Variants in BPHL observed in about 807,000 individuals in gnomAD.
The protein encoded by BPHL is biphenyl hydrolase like, also known as serine hydrolase BPHL.
A neutral mutation model predicts 31.2 loss-of-function variants in BPHL; 27 were observed. The ratio of observed to expected loss-of-function variants is 0.87; its 90% CI spans 0.64 to 1.19. BPHL has a LOEUF of 1.19. Among genes scored for constraint, BPHL ranks in the 50% most tolerant of loss-of-function variants. BPHL has a pLI of 0.00. For missense variants in BPHL, 356 were observed against 375.7 expected (o/e 0.95, Z 0.43); for synonymous variants, 150 against 146.8 (o/e 1.02, Z -0.16).
chr6:3,140,440 A>T lies in BPHL; in HGVS notation c.719A>T (p.His240Leu), dbSNP rs1762142415. 1.2e-6 allele frequency: 2 copies of T among 1,614,028 alleles called. No individual in the cohort carries two copies. The highest frequency in any genetic ancestry group is 1.7e-6 in the Non-Finnish European group (2 of 1,180,024). ...GTCCAGTGCCCCGCCTTGATTGTGC[A>T]CGGTGAGAAGGATCCTCTGGTCCCA... ...PRVQCPALIV[H>L]GEKDPLVPRF... Residue 240 changes from histidine to leucine, a missense_variant, in exon 6 of 7, where the codon CAC becomes CTC. By Grantham distance (99) the His-to-Leu change is moderately conservative. Coordinates refer to ENST00000380379, the MANE Select transcript of BPHL (RefSeq NM_004332.4). This position sits in a 1 kb window ranked among gnomAD's most constrained non-coding sequence, Gnocchi z 5.2.
intron 4 of BPHL, among the ~76,000 whole-genome samples, chr6:3,136,514 G>A (rs1447559070): frequency 6.6e-6 from 1 of 152,242 alleles, no homozygotes; most frequent in Admixed American, 6.5e-5. Flanking sequence ...GTAAATAGCA[G>A]TTTTTCCTCC....
At chr6:3,135,555 A>G (rs1339868363) in intron 4 of BPHL, among the ~76,000 whole-genome samples, 2 of 144,596 alleles carry the variant, frequency 1.4e-5, no homozygotes, top group African/African-American at 5.2e-5. Context: ...ATTCTGAAAA[A>G]CTCTCCCACC....
rs971739128 is a variant in BPHL at position 3,137,914 on chromosome 6, G to A, written c.664+421G>A. ...AGATGTGTCTCCCCACGAGGACACT[G>A]TTAATCTTTAATCTCAACGGAATTA... On this transcript the variant is annotated intron_variant, in intron 5 of 6. Coordinates refer to ENST00000380379, the MANE Select transcript of BPHL (RefSeq NM_004332.4). 6.9e-5 allele frequency: 76 copies of A among 1,097,054 alleles called. No homozygotes were observed. The African/African-American group carries it at 1.2e-3, about 17-fold the overall frequency. The allele number at this position is 1,097,054 out of a possible 1,614,324, so 68.0% of individuals were successfully genotyped here.
rs74372749 is a variant in BPHL, at chr6:3,131,346, C to T, written c.532+2148C>T. ...CTCAGTTCATGGCCTGCAGATGACC[C>T]GGCATCCAGGCAGAGTCCCAGATGC... is the stretch of plus-strand genomic sequence containing the variant. On this transcript the variant is annotated intron_variant, in intron 4 of 6. Coordinates refer to ENST00000380379, the MANE Select transcript of BPHL (RefSeq NM_004332.4). Among the ~76,000 whole-genome samples, 1,256 of 152,160 alleles carry T rather than the reference C, an allele frequency of 8.3e-3. 10 individuals are homozygous for T. Among genetic ancestry groups the T allele is most frequent in the African/African-American group, 0.028 (1,165 of 41,500 alleles).
chr6:3,123,812 C>G, intron 2 of BPHL, 52 bp downstream of exon 2: 1 of 1,418,876 alleles, frequency 7.0e-7, no homozygotes, highest in Non-Finnish European at 9.9e-7. Context: ...ATCTATGATG[C>G]ATTCACAATA....
At chr6:3,118,571 T>G, upstream of BPHL, 1 of 457,122 alleles carries the variant, frequency 2.2e-6, no homozygotes, top group Non-Finnish European at 3.5e-6. Context: ...CGGTCGCCCA[T>G]GGGAAAGCAC....
intron 6 of BPHL, among the ~76,000 whole-genome samples, chr6:3,152,181 C>A (rs1457209236): frequency 6.6e-6 from 1 of 152,212 alleles, no homozygotes; most frequent in Non-Finnish European, 1.5e-5. Flanking sequence ...GATCACCTCC[C>A]CCACTCTCAG....
chr6:3,124,828 T>C (rs1057485576), intron 2 of BPHL, among the ~76,000 whole-genome samples: 1 of 152,208 alleles, frequency 6.6e-6, no homozygotes, highest in African/African-American at 2.4e-5. Context: ...AGTGAAGTGC[T>C]AAAAAGGTTC....
intron 6 of BPHL, among the ~76,000 whole-genome samples, chr6:3,143,638 A>G (rs1203502356): frequency 1.3e-5 from 2 of 152,228 alleles, no homozygotes; most frequent in Non-Finnish European, 2.9e-5. Context: ...TCCCGTGTCC[A>G]CATTTCCTCC....
In BPHL at chr6:3,125,551, G is replaced by C. The variant is rs1228063476; in HGVS notation, c.212-1691G>C. ...ATTCTTGGCACTGGTCTTCAAATGT[G>C]TACATGTGTGCCAGGGAGCAAATGC... is the stretch of plus-strand genomic sequence containing the variant. On this transcript the variant is annotated intron_variant, in intron 2 of 6. Transcript: ENST00000380379. Among the ~76,000 whole-genome samples, 5 of 152,118 alleles carry C rather than the reference G, an allele frequency of 3.3e-5. No individual in the cohort carries two copies. The East Asian group carries it at 7.7e-4, about 23-fold the overall frequency.
chr6:3,120,104 G>A (rs796913316), intron 1 of BPHL, among the ~76,000 whole-genome samples: 11 of 151,664 alleles, frequency 7.3e-5, no homozygotes, highest in African/African-American at 2.4e-4. Flanking sequence ...TTGTGATCTC[G>A]CTCACTGCAA....
intron 1 of BPHL, among the ~76,000 whole-genome samples, chr6:3,121,272 A>C (rs141837077): frequency 4.6e-5 from 7 of 151,464 alleles, no homozygotes; most frequent in African/African-American, 1.7e-4. Flanking sequence ...CTGAACATAC[A>C]ATATGATAAT....
rs545786404 is a variant in BPHL, at chr6:3,130,737, C to G, written c.532+1539C>G. Among the ~76,000 whole-genome samples the G allele has an allele frequency of 2.0e-3, 300 of 152,354 alleles. 2 individuals carry two copies. Among genetic ancestry groups the G allele is most frequent in the African/African-American group, 6.8e-3 (283 of 41,580 alleles). On this transcript the variant is annotated intron_variant, in intron 4 of 6. Transcript: ENST00000380379. ...TACAGATCTCTTCGCTAGAATATCA[C>G]AAGTCTAGTCTTTTTCAGCTATTCG...
At chr6:3,122,807 A>G (rs1487410295) in intron 1 of BPHL, among the ~76,000 whole-genome samples, 4 of 152,326 alleles carry the variant, frequency 2.6e-5, no homozygotes, top group East Asian at 1.9e-4. Context: ...ACTGTTGACT[A>G]TGGCCCTCCT....
rs768330989 is a variant in BPHL at position 3,137,430 on chromosome 6, T to C, written c.601T>C (p.Tyr201His). Reference protein sequence around the residue: ...KPLEALYGYDYFARTCEKWVD... With the variant: ...KPLEALYGYDHFARTCEKWVD... Reference sequence around the variant, plus strand: ...TCTAGAAGCCCTCTATGGGTATGACTACTTTGCCAGAACCTGTGAAAAGTG... The same window carrying C: ...TCTAGAAGCCCTCTATGGGTATGACCACTTTGCCAGAACCTGTGAAAAGTG... Residue 201 changes from tyrosine to histidine, a missense_variant, in exon 5 of 7, where the codon TAC (tyrosine) becomes CAC (histidine). Transcript: ENST00000380379. The C allele has an allele frequency of 6.2e-7, 1 of 1,613,354 alleles. No individual in the cohort carries two copies. The highest frequency in any genetic ancestry group is 1.1e-5 in the South Asian group (1 of 90,986).
chr6:3,126,567 G>A (rs1432871160), intron 2 of BPHL, among the ~76,000 whole-genome samples: 1 of 150,142 alleles, frequency 6.7e-6, no homozygotes, highest in Non-Finnish European at 1.5e-5. Context: ...GCACTCCGCC[G>A]GGAAAGGAAG....
chr6:3,129,810 T>G (rs928522412), intron 4 of BPHL, among the ~76,000 whole-genome samples: 1 of 151,800 alleles, frequency 6.6e-6, no homozygotes, highest in Admixed American at 6.5e-5. Context: ...TTGAGGTTTT[T>G]TTTTTTTTTT....
At chr6:3,131,568 C>G (rs1018835630) in intron 4 of BPHL, among the ~76,000 whole-genome samples, 1 of 152,146 alleles carries the variant, frequency 6.6e-6, no homozygotes, top group African/African-American at 2.4e-5. Context: ...CTTTGTAAGG[C>G]AAAAATCTAA....
In BPHL at chr6:3,152,706, A is replaced by C; in HGVS notation, c.*131A>C. The C allele has an allele frequency of 2.7e-6, 2 of 742,324 alleles. No individual in the cohort carries two copies. The highest frequency in any genetic ancestry group is 1.9e-5 in the South Asian group (1 of 51,970). 46.0% of individuals were successfully genotyped at this position (742,324 alleles called of 1,614,324 possible). A position where few individuals can be genotyped will look rare whatever the true frequency, so the allele number is the denominator to read the frequency against. On this transcript the variant is annotated 3_prime_UTR_variant, in exon 7 of 7. Coordinates refer to ENST00000380379, the MANE Select transcript of BPHL (RefSeq NM_004332.4). ...CTCCCTTCAATCTTATCCTAACCAA[A>C]TGAGAATAATGACATATTGAAAACA... is the stretch of plus-strand genomic sequence containing the variant.
Sources: gnomAD v4.1 joint callset for allele counts (sites outside exome capture counted in the v4.1 genomes callset) on GRCh38, gnomAD v4.1.1 for gene constraint, Gnocchi (gnomAD v3.1) non-coding constraint, MANE v1.5 for transcripts, NCBI Gene and HGNC (gene_info 2026-07-23, HGNC 2026-07-21) for gene names.